PIP5K1B: variants seen among roughly 807,000 people sequenced by gnomAD.
PIP5K1B encodes the protein phosphatidylinositol-4-phosphate 5-kinase type 1 beta.
A neutral mutation model predicts 67.0 loss-of-function variants in PIP5K1B; 42 were observed. The ratio of observed to expected loss-of-function variants is 0.63; its 90% CI spans 0.49 to 0.81. PIP5K1B has a LOEUF of 0.81. Among genes scored for constraint, PIP5K1B ranks in the 30% least tolerant of loss-of-function variants. The pLI, the probability that PIP5K1B is intolerant of heterozygous loss-of-function variation, is 0.00. For synonymous variants in PIP5K1B, 214 were observed against 231.4 expected (o/e 0.92, Z 0.68); for missense variants, 459 against 646.3 (o/e 0.71, Z 3.14).
chr9:68,846,572 C>G (rs1171092152), intron 4 of PIP5K1B, among the ~76,000 whole-genome samples: 2 of 152,176 alleles, frequency 1.3e-5, no homozygotes, highest in Non-Finnish European at 2.9e-5. Flanking sequence ...CAGCAAGTCA[C>G]AGCAAGTGAT....
At chr9:68,810,568 C>T (rs958583505) in intron 2 of PIP5K1B, among the ~76,000 whole-genome samples, 7 of 152,148 alleles carry the variant, frequency 4.6e-5, no homozygotes, top group African/African-American at 1.7e-4. Flanking sequence ...AGGTAATTAG[C>T]AATTCTCCCA....
intron 2 of PIP5K1B, among the ~76,000 whole-genome samples, chr9:68,811,896 C>G (rs574358420): frequency 6.6e-6 from 1 of 152,182 alleles, no homozygotes; most frequent in Non-Finnish European, 1.5e-5. Context: ...GTGAAGCGTG[C>G]TGAAAATACT....
At chr9:68,785,341 C>T (rs1350891162) in intron 2 of PIP5K1B, among the ~76,000 whole-genome samples, 1 of 152,146 alleles carries the variant, frequency 6.6e-6, no homozygotes, top group African/African-American at 2.4e-5. Context: ...GTAGGTCTCT[C>T]ACTCCAGCAG....
intron 4 of PIP5K1B, among the ~76,000 whole-genome samples, chr9:68,835,654 T>C (rs1033279902): frequency 6.6e-6 from 1 of 152,144 alleles, no homozygotes; most frequent in Non-Finnish European, 1.5e-5. Flanking sequence ...AAGTATGGAA[T>C]TGGAAATTTC....
chr9:68,730,982 T>TTC (rs1376003214), intron 1 of PIP5K1B, among the ~76,000 whole-genome samples: 1 of 152,202 alleles, frequency 6.6e-6, no homozygotes, highest in Non-Finnish European at 1.5e-5. Flanking sequence ...TTCCTTGAAG[T>TTC]CTTAGTTGAA....
At chr9:68,840,527 T>C (rs1821864282) in intron 4 of PIP5K1B, among the ~76,000 whole-genome samples, 1 of 152,244 alleles carries the variant, frequency 6.6e-6, no homozygotes, top group African/African-American at 2.4e-5. Flanking sequence ...CTGGCTGGGC[T>C]AAAATCAAGG....
intron 15 of PIP5K1B, among the ~76,000 whole-genome samples, chr9:69,002,830 A>G (rs1830883063): frequency 6.6e-6 from 1 of 152,074 alleles, no homozygotes; most frequent in African/African-American, 2.4e-5. Context: ...TAAAAATGCA[A>G]AAATTAGCTG....
intron 1 of PIP5K1B, among the ~76,000 whole-genome samples, chr9:68,713,959 C>T (rs1333516427): frequency 6.6e-6 from 1 of 152,102 alleles, no homozygotes; most frequent in Non-Finnish European, 1.5e-5. Flanking sequence ...TAACTTGTAC[C>T]AGAGCACAGA....
chr9:68,989,768 T>G lies in PIP5K1B; in HGVS notation c.1503-1372T>G, dbSNP rs577809111. On this transcript the variant is annotated intron_variant, in intron 14 of 15. Transcript: ENST00000265382. ...GCCGTGGTGGGTAGATCACCTGAGG[T>G]CAGGAGTTCAAGACCAGCCTGGCCA... Among the ~76,000 whole-genome samples the G allele has an allele frequency of 1.4e-4, 21 of 152,176 alleles. No individual in the cohort carries two copies. In the South Asian group the frequency reaches 4.4e-3, roughly 32 times the overall value.
chr9:68,758,078 G>A (rs2151413), intron 2 of PIP5K1B, among the ~76,000 whole-genome samples: 151,481 of 152,306 alleles, frequency 0.99, 75,334 homozygotes, highest in Middle Eastern at 1. Context: ...CGTAACCCAC[G>A]GAAAGAGGTT....
At chr9:68,810,615 G>A (rs1435987403) in intron 2 of PIP5K1B, among the ~76,000 whole-genome samples, 2 of 152,098 alleles carry the variant, frequency 1.3e-5, no homozygotes, top group African/African-American at 2.4e-5. Flanking sequence ...ACTCATCTGT[G>A]GCAAATTAAA....
At chr9:68,799,244 A>C (rs781188121) in intron 2 of PIP5K1B, among the ~76,000 whole-genome samples, 11 of 152,216 alleles carry the variant, frequency 7.2e-5, no homozygotes, top group Non-Finnish European at 1.3e-4. Flanking sequence ...GTATACTTGA[A>C]AATACTGAAA....
At chr9:68,720,167 T>C (rs2132259686) in intron 1 of PIP5K1B, among the ~76,000 whole-genome samples, 1 of 152,344 alleles carries the variant, frequency 6.6e-6, no homozygotes, top group Middle Eastern at 3.4e-3. Context: ...ATTCTTAAGC[T>C]GTAACCGTTT....
chr9:68,916,322 C>T (rs573987459), intron 8 of PIP5K1B, among the ~76,000 whole-genome samples: 3 of 152,204 alleles, frequency 2.0e-5, no homozygotes, highest in African/African-American at 4.8e-5. Flanking sequence ...ACTGCTCTTC[C>T]GTCTGAAAAG....
At chr9:68,896,267 C>T (rs192311135) in intron 8 of PIP5K1B, among the ~76,000 whole-genome samples, 257 of 151,686 alleles carry the variant, frequency 1.7e-3, no homozygotes, top group African/African-American at 6.1e-3. Context: ...TTTAAGTTTG[C>T]TTTCTCTTTT....
At chr9:68,822,225 A>G (rs1207223370) in intron 3 of PIP5K1B, among the ~76,000 whole-genome samples, 2 of 151,982 alleles carry the variant, frequency 1.3e-5, no homozygotes, top group Non-Finnish European at 2.9e-5. Flanking sequence ...AGAGGCTGAG[A>G]TGGGAGGACT....
chr9:68,714,282 G>A (rs550011688), intron 1 of PIP5K1B, among the ~76,000 whole-genome samples: 4 of 152,220 alleles, frequency 2.6e-5, no homozygotes, highest in South Asian at 2.1e-4. Context: ...GGTGGGCACC[G>A]CTAGTCACCA....
intron 14 of PIP5K1B, among the ~76,000 whole-genome samples, chr9:68,955,837 ATT>A (rs1828358807): frequency 1.3e-5 from 2 of 152,190 alleles, no homozygotes. Context: ...TTCTTTTTAC[ATT>A]TTTGTTTATA....
At chr9:68,849,193 A>G (rs1167404386) in intron 4 of PIP5K1B, among the ~76,000 whole-genome samples, 1 of 152,246 alleles carries the variant, frequency 6.6e-6, no homozygotes, top group Non-Finnish European at 1.5e-5. Context: ...ATTATTTTCT[A>G]TTAAAGAGAG....
Sources: allele counts gnomAD v4.1 joint callset (sites outside exome capture counted in the v4.1 genomes callset), GRCh38; gene constraint gnomAD v4.1.1; transcripts MANE v1.5; gene names NCBI Gene and HGNC (gene_info 2026-07-23, HGNC 2026-07-21).